Variants in CASD1 observed in about 807,000 individuals in gnomAD.
The protein encoded by CASD1 is N-acetylneuraminate (7)9-O-acetyltransferase.
A neutral mutation model predicts 100.0 loss-of-function variants in CASD1; 41 were observed. The ratio of observed to expected loss-of-function variants is 0.41; its 90% CI spans 0.32 to 0.53. The LOEUF is 0.53. Ranked by LOEUF, CASD1 falls within the 20% of genes least tolerant of loss-of-function variation. The probability of loss-of-function intolerance (pLI) is 0.25; values close to 1 mark genes in which losing one functional copy is unlikely to be tolerated. For missense variants in CASD1, 774 were observed against 948.7 expected (o/e 0.82, Z 2.42); for synonymous variants, 321 against 315.6 (o/e 1.02, Z -0.18).
chr7:94,571,764 C>T, the CASD1 span, among the ~76,000 whole-genome samples: 2 of 151,830 alleles, frequency 1.3e-5, no homozygotes, highest in Admixed American at 6.6e-5. Flanking sequence ...TTTAAAATTC[C>T]AGCTTCTCTG....
chr7:94,573,040 G>C, the CASD1 span, among the ~76,000 whole-genome samples: 1 of 151,932 alleles, frequency 6.6e-6, no homozygotes, highest in Non-Finnish European at 1.5e-5. Context: ...GATGGTCATA[G>C]GGGTGCAGTC....
At chr7:94,602,850 T>C in the CASD1 span, among the ~76,000 whole-genome samples, 1 of 152,230 alleles carries the variant, frequency 6.6e-6, no homozygotes, top group Admixed American at 6.5e-5. Flanking sequence ...GGACTTTCCC[T>C]ATAATTTGAG....
chr7:94,519,003 G>A (rs1010431915), intron 3 of CASD1, among the ~76,000 whole-genome samples: 1 of 151,970 alleles, frequency 6.6e-6, no homozygotes, highest in African/African-American at 2.4e-5. Context: ...TATTAATTAT[G>A]CTGCAAAATT....
the CASD1 span, among the ~76,000 whole-genome samples, chr7:94,612,129 C>T: frequency 1.3e-5 from 2 of 152,080 alleles, no homozygotes; most frequent in African/African-American, 2.4e-5. Context: ...ATGAATGTTT[C>T]TTACAACTGT....
chr7:94,576,091 C>T, the CASD1 span, among the ~76,000 whole-genome samples: 13 of 152,196 alleles, frequency 8.5e-5, no homozygotes, highest in African/African-American at 3.1e-4. Context: ...TCTCTCTCTT[C>T]TCCTTCTGAG....
intron 9 of CASD1, 135 bp downstream of exon 9, chr7:94,538,029 T>C: frequency 1.7e-6 from 1 of 604,564 alleles, no homozygotes; most frequent in African/African-American, 1.8e-5. Flanking sequence ...AGATTGTAGT[T>C]ACACTTCACT....
intron 7 of CASD1, among the ~76,000 whole-genome samples, chr7:94,534,997 A>G (rs1795050172): frequency 6.6e-6 from 1 of 152,206 alleles, no homozygotes; most frequent in Non-Finnish European, 1.5e-5. Flanking sequence ...GTTATAACTC[A>G]GCATCCAAAA....
Position 94,545,644 on chromosome 7 carries a change from A to G in CASD1, c.1576A>G (p.Met526Val). 2 of 1,610,228 alleles carry G rather than the reference A, an allele frequency of 1.2e-6. No individual in the cohort carries two copies. Among genetic ancestry groups the G allele is most frequent in the Non-Finnish European group, 1.7e-6 (2 of 1,177,306 alleles). Residue 526 changes from methionine to valine, a missense_variant, in exon 12 of 18, where the codon ATG (methionine) becomes GTG (valine). By Grantham distance (21) the Met-to-Val change is conservative. This residue lies in a region of CASD1 where 453 missense variants were observed against 532.6 expected (regional missense o/e 0.85). Coordinates refer to ENST00000297273, the MANE Select transcript of CASD1 (RefSeq NM_022900.5). ...TGTCCCCTTGGTCACTGTATGGTTC[A>G]TGGTCATATATGTTACTTTAGCACT... ...YFVPLVTVWFMVIYVTLALWP... is the reference protein window; with the variant it reads ...YFVPLVTVWFVVIYVTLALWP...
intron 1 of CASD1, among the ~76,000 whole-genome samples, chr7:94,514,823 A>G (rs1793892281): frequency 6.6e-6 from 1 of 152,134 alleles, no homozygotes; most frequent in Admixed American, 6.5e-5. Flanking sequence ...GCCTGGCAAC[A>G]TTTATCTCAC....
the CASD1 span, among the ~76,000 whole-genome samples, chr7:94,615,880 A>C: frequency 6.6e-5 from 10 of 152,190 alleles, no homozygotes; most frequent in African/African-American, 2.4e-4. Flanking sequence ...ATACATCCAC[A>C]AGGCCTTAGC....
the CASD1 span, chr7:94,618,945 G>A: frequency 6.2e-7 from 1 of 1,612,242 alleles, no homozygotes; most frequent in African/African-American, 1.3e-5. Flanking sequence ...GCTTGATATG[G>A]CAACGGGAAG....
In CASD1 at chr7:94,531,760, T is replaced by C. The variant is rs112310213; in HGVS notation, c.460-1445T>C. Among the ~76,000 whole-genome samples the C allele has an allele frequency of 1.9e-3, 293 of 152,294 alleles. 1 individual carries two copies. The highest frequency in any genetic ancestry group is 6.7e-3 in the African/African-American group (279 of 41,572). On this transcript the variant is annotated intron_variant, in intron 5 of 17. Transcript: ENST00000297273. ...TTTTACATTGGTCAATTTTTTGTTA[T>C]TAAATTTCATGCTTGTTTTTAATTG... is the stretch of plus-strand genomic sequence containing the variant.
At chr7:94,558,891 C>T (rs1441679469), downstream of CASD1, among the ~76,000 whole-genome samples, 2 of 152,030 alleles carry the variant, frequency 1.3e-5, no homozygotes, top group African/African-American at 4.8e-5. Context: ...CCTCCGCCTC[C>T]TGGGTTCAAG....
At chr7:94,595,397 T>C in the CASD1 span, among the ~76,000 whole-genome samples, 1 of 152,230 alleles carries the variant, frequency 6.6e-6, no homozygotes, top group African/African-American at 2.4e-5. Flanking sequence ...TGTCTGAATA[T>C]TTCCGGTATC....
the CASD1 span, among the ~76,000 whole-genome samples, chr7:94,596,324 G>A: frequency 6.6e-6 from 1 of 152,074 alleles, no homozygotes. Context: ...AATATATGTG[G>A]TTAGAAAGGG....
chr7:94,584,277 CTG>C, the CASD1 span, among the ~76,000 whole-genome samples: 1 of 152,162 alleles, frequency 6.6e-6, no homozygotes, highest in African/African-American at 2.4e-5. Context: ...TACTCTGTGT[CTG>C]TGCCAAAATC....
chr7:94,581,716 T>C, the CASD1 span, among the ~76,000 whole-genome samples: 1 of 152,262 alleles, frequency 6.6e-6, no homozygotes, highest in Non-Finnish European at 1.5e-5. Flanking sequence ...CATTCCTTTT[T>C]ATGGCTGCAT....
At chr7:94,521,974 A>G (rs1379969901) in intron 3 of CASD1, among the ~76,000 whole-genome samples, 3 of 152,132 alleles carry the variant, frequency 2.0e-5, no homozygotes, top group Non-Finnish European at 2.9e-5. Flanking sequence ...AGTCCCAGCT[A>G]TCGGGAGGCT....
the CASD1 span, chr7:94,618,903 C>T: frequency 6.2e-7 from 1 of 1,613,950 alleles, no homozygotes. Flanking sequence ...GCCAACATTT[C>T]TTCTACATTC....
Sources: gnomAD v4.1 joint callset for allele counts (sites outside exome capture counted in the v4.1 genomes callset) on GRCh38, gnomAD v4.1.1 for gene constraint, gnomAD v4.1.1 regional missense constraint, MANE v1.5 for transcripts, NCBI Gene and HGNC (gene_info 2026-07-23, HGNC 2026-07-21) for gene names.